LHFPL3: variants seen among roughly 807,000 people sequenced by gnomAD.
LHFPL3 encodes LHFPL tetraspan subfamily member 3, also known as LHFPL tetraspan subfamily member 3 protein.
LHFPL3 carries 5 observed loss-of-function variants against 19.3 expected under a neutral mutation model. That is an observed-to-expected ratio of 0.26 (90% CI 0.14 to 0.54). The LOEUF is 0.54. LHFPL3 is among the 20% of genes least tolerant of loss of function. The probability of loss-of-function intolerance (pLI) is 0.94; values close to 1 mark genes in which losing one functional copy is unlikely to be tolerated. For synonymous variants in LHFPL3, 133 were observed against 126.2 expected (o/e 1.05, Z -0.36); for missense variants, 249 against 307.4 (o/e 0.81, Z 1.42).
intron 1 of LHFPL3, among the ~76,000 whole-genome samples, chr7:104,477,556 C>G (rs1186477690): frequency 6.6e-6 from 1 of 152,014 alleles, no homozygotes; most frequent in Non-Finnish European, 1.5e-5. Context: ...CATGAGAACA[C>G]ATGGAAACAT....
At chr7:104,745,210 T>C (rs1355998688) in intron 2 of LHFPL3, among the ~76,000 whole-genome samples, 2 of 152,194 alleles carry the variant, frequency 1.3e-5, no homozygotes, top group Admixed American at 6.5e-5. Flanking sequence ...GCAGGGTTCC[T>C]GGGAAACTTT....
chr7:104,413,760 T>C (rs1791573263), intron 1 of LHFPL3, among the ~76,000 whole-genome samples: 1 of 152,206 alleles, frequency 6.6e-6, no homozygotes, highest in Admixed American at 6.5e-5. Context: ...TGTTTACTCA[T>C]AGAAATACAA....
At chr7:104,340,222 A>G (rs1454748335) in intron 1 of LHFPL3, among the ~76,000 whole-genome samples, 1 of 152,232 alleles carries the variant, frequency 6.6e-6, no homozygotes, top group Non-Finnish European at 1.5e-5. Flanking sequence ...TGCAAGTTAT[A>G]GACATTTAAA....
chr7:104,521,319 G>A (rs1562924268), intron 1 of LHFPL3, among the ~76,000 whole-genome samples: 2 of 152,106 alleles, frequency 1.3e-5, no homozygotes, highest in Non-Finnish European at 2.9e-5. Context: ...GAGATAGTTT[G>A]TTATAATTTC....
chr7:104,591,506 C>G (rs1181489998), intron 1 of LHFPL3, among the ~76,000 whole-genome samples: 1 of 152,188 alleles, frequency 6.6e-6, no homozygotes, highest in Non-Finnish European at 1.5e-5. Context: ...ATGGGCTTCC[C>G]TTTGTGGGTA....
At position 104,906,170 on chromosome 7, in the gene LHFPL3, C is replaced by T. The variant is rs112985289; in HGVS notation, c.683-17C>T. On this transcript the variant is annotated splice_polypyrimidine_tract_variant and intron_variant, in intron 2 of 2. Transcript: ENST00000424859. ...TCCCCCCACCCTTTTTCTCTCTCTT[C>T]CCTCCAATTTCTGCAGTTCTGCTAA... The T allele has an allele frequency of 1.2e-6, 2 of 1,608,438 alleles. No individual in the cohort carries two copies. Among genetic ancestry groups the T allele is most frequent in the African/African-American group, 1.3e-5 (1 of 74,820 alleles).
chr7:104,737,570 G>C (rs756923563), intron 2 of LHFPL3, among the ~76,000 whole-genome samples: 1 of 152,132 alleles, frequency 6.6e-6, no homozygotes, highest in Non-Finnish European at 1.5e-5. Context: ...TGAATGATAC[G>C]TAAATATATC....
intron 1 of LHFPL3, among the ~76,000 whole-genome samples, chr7:104,520,704 A>G (rs1417890358): frequency 7.3e-6 from 1 of 136,124 alleles, no homozygotes; most frequent in African/African-American, 2.7e-5. Flanking sequence ...GAATTTATCT[A>G]TTTCTTCTAG....
At chr7:104,900,342 T>C (rs190082255) in intron 2 of LHFPL3, among the ~76,000 whole-genome samples, 8 of 152,332 alleles carry the variant, frequency 5.3e-5, no homozygotes, top group African/African-American at 1.9e-4. Context: ...CATGAGTTAA[T>C]TGAAATCCCT....
intron 1 of LHFPL3, among the ~76,000 whole-genome samples, chr7:104,452,937 A>ATCCAC (rs1295850235): frequency 6.6e-6 from 1 of 152,152 alleles, no homozygotes; most frequent in Non-Finnish European, 1.5e-5. Flanking sequence ...TGTCAGAAGC[A>ATCCAC]CCCACCCCTT....
chr7:104,443,677 G>A (rs908183534), intron 1 of LHFPL3, among the ~76,000 whole-genome samples: 1 of 152,188 alleles, frequency 6.6e-6, no homozygotes, highest in Non-Finnish European at 1.5e-5. Flanking sequence ...GTAAGTGGTC[G>A]AAATGAGGAG....
At chr7:104,449,191 T>C (rs1792384973) in intron 1 of LHFPL3, among the ~76,000 whole-genome samples, 1 of 152,212 alleles carries the variant, frequency 6.6e-6, no homozygotes, top group African/African-American at 2.4e-5. Context: ...TAGTGATGCA[T>C]CACACAAGGA....
intron 1 of LHFPL3, among the ~76,000 whole-genome samples, chr7:104,508,616 AAAT>A (rs147179246): frequency 0.15 from 20,576 of 136,190 alleles, 1,526 homozygotes; most frequent in East Asian, 0.22. Context: ...TAATAAAAAA[AAAT>A]ATATATATAT....
chr7:104,370,709 C>G (rs181727058), intron 1 of LHFPL3, among the ~76,000 whole-genome samples: 2 of 151,996 alleles, frequency 1.3e-5, no homozygotes, highest in Non-Finnish European at 2.9e-5. Flanking sequence ...TGGTGAAACC[C>G]GTCTCTACTA....
At chr7:104,454,570 C>T (rs1158321170) in intron 1 of LHFPL3, among the ~76,000 whole-genome samples, 1 of 152,156 alleles carries the variant, frequency 6.6e-6, no homozygotes, top group Non-Finnish European at 1.5e-5. Flanking sequence ...TTCAGCTTTA[C>T]TGTTTATCAG....
intron 1 of LHFPL3, among the ~76,000 whole-genome samples, chr7:104,494,045 T>A (rs1793409747): frequency 6.6e-6 from 1 of 152,224 alleles, no homozygotes; most frequent in Admixed American, 6.5e-5. Flanking sequence ...TCTTTTGTTA[T>A]GACTAGAAAA....
chr7:104,787,804 G>A (rs1174094960), intron 2 of LHFPL3, among the ~76,000 whole-genome samples: 1 of 152,150 alleles, frequency 6.6e-6, no homozygotes, highest in Non-Finnish European at 1.5e-5. Context: ...CTCCCAGAGT[G>A]CTGGGATTAC....
At chr7:104,523,260 A>G (rs7785251) in intron 1 of LHFPL3, among the ~76,000 whole-genome samples, 153 of 151,918 alleles carry the variant, frequency 1.0e-3, no homozygotes, top group African/African-American at 3.5e-3. Context: ...TAAATAAATA[A>G]ATTATTTCTA....
At chr7:104,435,284 AG>A (rs1366131003) in intron 1 of LHFPL3, among the ~76,000 whole-genome samples, 1 of 152,016 alleles carries the variant, frequency 6.6e-6, no homozygotes, top group Non-Finnish European at 1.5e-5. Flanking sequence ...CTGGGACTGC[AG>A]GCATGTGCCA....
Sources: allele counts gnomAD v4.1 joint callset (sites outside exome capture counted in the v4.1 genomes callset), GRCh38; gene constraint gnomAD v4.1.1; transcripts MANE v1.5; gene names NCBI Gene and HGNC (gene_info 2026-07-23, HGNC 2026-07-21).